The following LRP1B variants were observed in gnomAD, a reference collection of about 807,000 sequenced individuals.
The protein encoded by LRP1B is low-density lipoprotein receptor-related protein 1B.
LRP1B carries 217 observed loss-of-function variants against 556.6 expected under a neutral mutation model. That is an observed-to-expected ratio of 0.39 (90% CI 0.35 to 0.44). The LOEUF is 0.44. Among genes scored for constraint, LRP1B ranks in the 20% least tolerant of loss-of-function variants. The pLI, the probability that LRP1B is intolerant of heterozygous loss-of-function variation, is 1.00. For missense variants in LRP1B, 5,053 were observed against 5,620.8 expected, an observed-to-expected ratio of 0.90 and a Z score of 3.23; for synonymous variants, 2,047 against 1,865.8, an observed-to-expected ratio of 1.10 and a Z score of -2.50.
chr2:141,170,774 CAAGA>C (rs1680470146), intron 7 of LRP1B, among the ~76,000 whole-genome samples: 1 of 151,990 alleles, frequency 6.6e-6, no homozygotes. Context: ...GTGGCTGAGG[CAAGA>C]AAGAAACAGG....
At chr2:141,149,128 G>T (rs549738209) in intron 7 of LRP1B, among the ~76,000 whole-genome samples, 1 of 152,204 alleles carries the variant, frequency 6.6e-6, no homozygotes, top group Admixed American at 6.5e-5. Flanking sequence ...ATGTTCAAGA[G>T]AAATGTAACT....
intron 37 of LRP1B, among the ~76,000 whole-genome samples, chr2:140,711,927 AAGAAGTTT>A (rs970045228): frequency 6.6e-6 from 1 of 152,178 alleles, no homozygotes; most frequent in African/African-American, 2.4e-5. Context: ...ATTTGAGACC[AAGAAGTTT>A]AGAAATACCT....
At chr2:141,377,507 T>C (rs751336469) in intron 3 of LRP1B, among the ~76,000 whole-genome samples, 14 of 152,214 alleles carry the variant, frequency 9.2e-5, no homozygotes, top group Non-Finnish European at 1.9e-4. Context: ...TGTAATTTCC[T>C]CCCCAATTTT....
intron 4 of LRP1B, among the ~76,000 whole-genome samples, chr2:141,250,991 A>C (rs1684239524): frequency 1.3e-5 from 2 of 152,190 alleles, no homozygotes; most frequent in African/African-American, 4.8e-5. Context: ...ACATTTTCCT[A>C]CTAAGTCTTC....
intron 46 of LRP1B, among the ~76,000 whole-genome samples, chr2:140,534,875 C>T (rs1690879702): frequency 6.6e-6 from 1 of 152,120 alleles, no homozygotes; most frequent in Non-Finnish European, 1.5e-5. Flanking sequence ...AAAACCAAAA[C>T]ACAGAGAAGT....
chr2:141,742,933 T>C (rs1335459505), intron 2 of LRP1B, among the ~76,000 whole-genome samples: 1 of 152,168 alleles, frequency 6.6e-6, no homozygotes, highest in Non-Finnish European at 1.5e-5. Context: ...ATAGAAATGT[T>C]ACTGATTTTT....
At chr2:141,942,792 C>T (rs866761856) in intron 1 of LRP1B, among the ~76,000 whole-genome samples, 1 of 152,138 alleles carries the variant, frequency 6.6e-6, no homozygotes, top group Non-Finnish European at 1.5e-5. Context: ...AGACTAGGAG[C>T]TGTAAGCAGA....
chr2:140,984,136 G>T (rs1413050626), intron 17 of LRP1B, among the ~76,000 whole-genome samples: 1 of 151,532 alleles, frequency 6.6e-6, no homozygotes, highest in East Asian at 1.9e-4. Flanking sequence ...GACAGGAAGG[G>T]GTAAAAATAG....
chr2:141,464,579 A>G (rs1232931284), intron 3 of LRP1B, among the ~76,000 whole-genome samples: 2 of 100,222 alleles, frequency 2.0e-5, no homozygotes, highest in Non-Finnish European at 4.0e-5. Flanking sequence ...CGCCTGGCTA[A>G]TTTTGTATAT....
intron 3 of LRP1B, among the ~76,000 whole-genome samples, chr2:141,440,801 TTA>T: frequency 6.6e-6 from 1 of 152,188 alleles, no homozygotes; most frequent in Admixed American, 6.5e-5. Flanking sequence ...TTGTGAAAAG[TTA>T]TGTTTGATTT....
Position 140,701,727 on chromosome 2 carries a change from C to G in LRP1B, c.6421G>C (p.Glu2141Gln), listed in dbSNP as rs374834089. Residue 2141 changes from glutamate (E) to glutamine (Q), a missense_variant, in exon 40 of 91, where the codon GAG (glutamate) becomes CAG (glutamine). Physicochemically the swap from Glu to Gln is conservative, Grantham distance 29 (BLOSUM62 2). This residue lies in a region of LRP1B where 3,619 missense variants were observed against 3,931.9 expected (regional missense o/e 0.92). Transcript: ENST00000389484. ...KEVKIFNRVR[E>Q]KGTNVCARDN... Reference sequence around the variant, plus strand: ...TTCTTTCAAGAGTGCTGACCTTTCTCTCTTACTCGGTTAAATATTTTAACC... The same window carrying G: ...TTCTTTCAAGAGTGCTGACCTTTCTGTCTTACTCGGTTAAATATTTTAACC... 3.0e-5 allele frequency: 48 copies of G among 1,612,508 alleles called. No homozygotes were observed. The highest frequency in any genetic ancestry group is 1.7e-4 in the African/African-American group (13 of 74,946).
chr2:140,881,393 T>G (rs897179794), intron 25 of LRP1B, among the ~76,000 whole-genome samples: 6 of 152,116 alleles, frequency 3.9e-5, no homozygotes, highest in Admixed American at 3.3e-4. Context: ...AATATTTTAA[T>G]ATTCACATTA....
intron 2 of LRP1B, among the ~76,000 whole-genome samples, chr2:141,706,922 T>C (rs747836689): frequency 6.6e-6 from 1 of 152,162 alleles, no homozygotes; most frequent in Admixed American, 6.6e-5. Context: ...CAAAAAGCCA[T>C]GTTATCACCA....
intron 2 of LRP1B, among the ~76,000 whole-genome samples, chr2:141,806,517 T>C (rs1348077969): frequency 6.6e-6 from 1 of 152,048 alleles, no homozygotes; most frequent in Non-Finnish European, 1.5e-5. Flanking sequence ...AATTTTCCAA[T>C]TGTGTATTTT....
intron 41 of LRP1B, among the ~76,000 whole-genome samples, chr2:140,650,798 A>G (rs1055785742): frequency 6.6e-6 from 1 of 152,198 alleles, no homozygotes; most frequent in Non-Finnish European, 1.5e-5. Flanking sequence ...ACTAAATTCT[A>G]GTAATATTGG....
intron 27 of LRP1B, among the ~76,000 whole-genome samples, chr2:140,852,764 G>A (rs1692498297): frequency 6.6e-6 from 1 of 152,008 alleles, no homozygotes. Context: ...ATTAAATTTT[G>A]CAGCTCAATG....
chr2:140,568,795 A>C (rs2105099766), intron 43 of LRP1B, among the ~76,000 whole-genome samples: 1 of 152,244 alleles, frequency 6.6e-6, no homozygotes, highest in South Asian at 2.1e-4. Context: ...CTCAGCTAAA[A>C]CCTTACAGAC....
intron 86 of LRP1B, among the ~76,000 whole-genome samples, chr2:140,264,229 T>C (rs1682082924): frequency 6.6e-6 from 1 of 151,076 alleles, no homozygotes; most frequent in Non-Finnish European, 1.5e-5. Flanking sequence ...TTTTGTTTTT[T>C]TGGTTTGTTT....
chr2:141,129,791 T>TAAC (rs34337720), intron 7 of LRP1B, among the ~76,000 whole-genome samples: 149,333 of 152,006 alleles, frequency 0.98, 73,375 homozygotes, highest in Middle Eastern at 1. Flanking sequence ...AATAAACAAA[T>TAAC]AGAGTTAGAA....
Sources: gnomAD v4.1 joint callset for allele counts (sites outside exome capture counted in the v4.1 genomes callset) on GRCh38, gnomAD v4.1.1 for gene constraint, gnomAD v4.1.1 regional missense constraint, MANE v1.5 for transcripts, NCBI Gene and HGNC (gene_info 2026-07-23, HGNC 2026-07-21) for gene names.